Variants in CYTH3 observed in about 807,000 individuals in gnomAD.
CYTH3 encodes the protein cytohesin 3, also known as cytohesin-3.
Under a neutral mutation model 55.1 loss-of-function variants are expected in CYTH3, and 23 were observed. That is an observed-to-expected ratio of 0.42 (90% CI 0.30 to 0.59). The LOEUF is 0.59. Ranked by LOEUF, CYTH3 falls within the 20% of genes least tolerant of loss-of-function variation. CYTH3 has a pLI of 0.20. For missense variants in CYTH3, 413 were observed against 524.8 expected (o/e 0.79, Z 2.08); for synonymous variants, 249 against 194.9 (o/e 1.28, Z -2.31).
chr7:6,247,589 T>C (rs1416038675), intron 1 of CYTH3, among the ~76,000 whole-genome samples: 1 of 152,234 alleles, frequency 6.6e-6, no homozygotes, highest in Non-Finnish European at 1.5e-5. Flanking sequence ...GAGTTTAAAA[T>C]TCTGCAAATG....
chr7:6,244,273 A>G (rs1779749550), intron 1 of CYTH3, among the ~76,000 whole-genome samples: 1 of 152,212 alleles, frequency 6.6e-6, no homozygotes, highest in Admixed American at 6.5e-5. Context: ...CTATTCATCT[A>G]GAGTCAGGAT....
chr7:6,260,152 C>T (rs1780314318), intron 1 of CYTH3, among the ~76,000 whole-genome samples: 1 of 151,752 alleles, frequency 6.6e-6, no homozygotes. Context: ...TCTTAAGCAG[C>T]TTTTAGGGTA....
intron 1 of CYTH3, among the ~76,000 whole-genome samples, chr7:6,232,006 G>C (rs1158044439): frequency 6.6e-6 from 1 of 152,172 alleles, no homozygotes; most frequent in Non-Finnish European, 1.5e-5. Context: ...TTGCATCTGA[G>C]TTTTAAACTT....
In CYTH3 at chr7:6,165,812, T is replaced by C; in HGVS notation, c.824-2A>G. ...GCTTCCAGGTCTTCACACGCCCTCC[T>C]AGAAGCAGAAGGGCCCCGTGAGTCT... is the stretch of plus-strand genomic sequence containing the variant. On this transcript the variant is annotated splice_acceptor_variant, in intron 9 of 12. Coordinates refer to ENST00000350796, the MANE Select transcript of CYTH3 (RefSeq NM_004227.4). LOFTEE classifies it high-confidence loss of function. 1 of 1,613,924 alleles carries C rather than the reference T, an allele frequency of 6.2e-7. No individual in the cohort carries two copies. The highest frequency in any genetic ancestry group is 8.5e-7 in the Non-Finnish European group (1 of 1,179,926).
intron 1 of CYTH3, among the ~76,000 whole-genome samples, chr7:6,258,079 G>A (rs1167680134): frequency 6.6e-6 from 1 of 152,176 alleles, no homozygotes; most frequent in African/African-American, 2.4e-5. Flanking sequence ...TTTAGGACCA[G>A]CCTGAGCAAC....
In CYTH3 at chr7:6,207,632, G is replaced by C. The variant is rs1288547160; in HGVS notation, c.35-17101C>G. Among the ~76,000 whole-genome samples, 5 of 151,916 alleles carry C rather than the reference G, an allele frequency of 3.3e-5. No individual in the cohort carries two copies. In the South Asian group the frequency reaches 8.3e-4, roughly 25 times the overall value. ...CCACTGCACTCCAGCCTGGGTGACA[G>C]AGCGAGACTCCATCTCAAAAAACAA... is the stretch of plus-strand genomic sequence containing the variant. On this transcript the variant is annotated intron_variant, in intron 1 of 12. Coordinates refer to ENST00000350796, the MANE Select transcript of CYTH3 (RefSeq NM_004227.4).
intron 1 of CYTH3, among the ~76,000 whole-genome samples, chr7:6,228,413 G>C (rs1353201525): frequency 2.0e-5 from 3 of 152,144 alleles, no homozygotes; most frequent in Non-Finnish European, 4.4e-5. Context: ...CAAATATGGA[G>C]TCTTCTAGGG....
At chr7:6,226,244 A>G (rs1367989531) in intron 1 of CYTH3, among the ~76,000 whole-genome samples, 4 of 152,168 alleles carry the variant, frequency 2.6e-5, no homozygotes, top group African/African-American at 9.7e-5. Flanking sequence ...ATCCACACCC[A>G]CAAACAATAT....
intron 4 of CYTH3, among the ~76,000 whole-genome samples, chr7:6,181,279 T>C (rs962146165): frequency 2.0e-5 from 3 of 152,226 alleles, no homozygotes; most frequent in African/African-American, 7.2e-5. Flanking sequence ...TTTTATCCTA[T>C]GTAGTCATTT....
intron 1 of CYTH3, among the ~76,000 whole-genome samples, chr7:6,232,611 A>G: frequency 6.6e-6 from 1 of 152,104 alleles, no homozygotes; most frequent in East Asian, 1.9e-4. Flanking sequence ...CAATTTGGAA[A>G]TCATTTTGCC....
chr7:6,215,372 C>T (rs1403782191), intron 1 of CYTH3, among the ~76,000 whole-genome samples: 2 of 152,070 alleles, frequency 1.3e-5, no homozygotes, highest in Non-Finnish European at 2.9e-5. Flanking sequence ...GGGCGGATCA[C>T]GAGGTCAGGA....
intron 1 of CYTH3, among the ~76,000 whole-genome samples, chr7:6,200,318 G>T (rs1354116788): frequency 6.6e-6 from 1 of 152,182 alleles, no homozygotes; most frequent in African/African-American, 2.4e-5. Flanking sequence ...AAACATATGA[G>T]ATCTTCCACG....
intron 1 of CYTH3, among the ~76,000 whole-genome samples, chr7:6,216,703 T>C (rs545130477): frequency 2.6e-5 from 4 of 151,940 alleles, no homozygotes; most frequent in Non-Finnish European, 5.9e-5. Context: ...ATCACACTAC[T>C]GCACTCCAAT....
In CYTH3 at chr7:6,162,025, T is replaced by C. The variant is rs1197317271; in HGVS notation, c.*2919A>G. On this transcript the variant is annotated 3_prime_UTR_variant, in exon 13 of 13. Transcript: ENST00000350796. ...TTTTCTAAGAAAAAAAGTCAATTTG[T>C]GGTTTCTGGTCTACCACAGACCTAA... 6.5e-6 allele frequency: 1 copy of C among 152,684 alleles called. No individual in the cohort carries two copies. Among genetic ancestry groups the C allele is most frequent in the East Asian group, 1.9e-4 (1 of 5,206 alleles). 9.5% of individuals were successfully genotyped at this position (152,684 alleles called of 1,614,324 possible). A position where few individuals can be genotyped will look rare whatever the true frequency, so the allele number is the denominator to read the frequency against.
chr7:6,212,365 C>T (rs1284225726), intron 1 of CYTH3, among the ~76,000 whole-genome samples: 1 of 152,156 alleles, frequency 6.6e-6, no homozygotes, highest in Non-Finnish European at 1.5e-5. Context: ...TCATCACTAT[C>T]CATCTCTAGA....
intron 4 of CYTH3, among the ~76,000 whole-genome samples, chr7:6,179,355 G>A (rs1369692748): frequency 6.6e-6 from 1 of 152,076 alleles, no homozygotes; most frequent in Admixed American, 6.5e-5. Context: ...GAATTCCCTA[G>A]GATGAGGCAT....
chr7:6,197,625 G>C (rs6974787), intron 1 of CYTH3, among the ~76,000 whole-genome samples: 1,952 of 152,244 alleles, frequency 0.013, 35 homozygotes, highest in African/African-American at 0.044. Flanking sequence ...GGAGATTGCA[G>C]TGAGCCAAGA....
intron 1 of CYTH3, among the ~76,000 whole-genome samples, chr7:6,201,153 G>A (rs903003865): frequency 1.3e-5 from 2 of 152,156 alleles, no homozygotes; most frequent in African/African-American, 2.4e-5. Flanking sequence ...CAGGGGCTGC[G>A]CTCTGCCTCT....
chr7:6,250,237 A>G (rs527393050), intron 1 of CYTH3, among the ~76,000 whole-genome samples: 30 of 152,350 alleles, frequency 2.0e-4, no homozygotes, highest in African/African-American at 6.3e-4. Context: ...TACAGACAAC[A>G]TGATTCTACT....
Sources: gnomAD v4.1 joint callset for allele counts (sites outside exome capture counted in the v4.1 genomes callset) on GRCh38, gnomAD v4.1.1 for gene constraint, MANE v1.5 for transcripts, NCBI Gene and HGNC (gene_info 2026-07-23, HGNC 2026-07-21) for gene names.